Variants in AK8 observed in about 807,000 individuals in gnomAD.
AK8 encodes the protein adenylate kinase 8.
A neutral mutation model predicts 54.6 loss-of-function variants in AK8; 44 were observed. The ratio of observed to expected loss-of-function variants is 0.81; its 90% confidence interval spans 0.63 to 1.04. The LOEUF (loss-of-function observed/expected upper bound fraction) is 1.04, where lower values mean the gene tolerates loss of function less well. AK8 is among the 50% of genes least tolerant of loss of function. The probability of loss-of-function intolerance (pLI) is 0.00; values close to 1 mark genes in which losing one functional copy is unlikely to be tolerated. For missense variants in AK8, 555 were observed against 613.6 expected, an observed-to-expected ratio of 0.90 and a Z score of 1.01; for synonymous variants, 239 against 245.6, an observed-to-expected ratio of 0.97 and a Z score of 0.25.
Position 132,807,830 on chromosome 9 carries a change from T to C in AK8, c.979+6808A>G, listed in dbSNP as rs1840791962. 2.6e-5 allele frequency among the ~76,000 whole-genome samples: 4 copies of C among 152,262 alleles called. No homozygotes were observed. In the South Asian group the frequency reaches 8.3e-4, roughly 32 times the overall value. On this transcript the variant is annotated intron_variant, in intron 10 of 12. Transcript: ENST00000298545. Reference sequence around the variant, plus strand: ...AGGCAAAGACAGAATTATGGCCAATTTCCTTAGGAAGCTCTGGGCCTCCAG... The same window carrying C: ...AGGCAAAGACAGAATTATGGCCAATCTCCTTAGGAAGCTCTGGGCCTCCAG...
At position 132,844,394 on chromosome 9, in the gene AK8, A is replaced by G. The variant is rs1301122296; in HGVS notation, c.402+10463T>C. Among the ~76,000 whole-genome samples, 3 of 152,062 alleles carry G rather than the reference A, an allele frequency of 2.0e-5. No homozygotes were observed. The East Asian group carries it at 5.8e-4, about 29-fold the overall frequency. On this transcript the variant is annotated intron_variant, in intron 5 of 12. Transcript: ENST00000298545. The stretch of plus-strand genomic sequence containing the variant: ...TTATGATTGCGTTATTTTTCCCTGA[A>G]CACTATTCCCTGCATTCTTTCTGTG...
intron 11 of AK8, among the ~76,000 whole-genome samples, chr9:132,743,466 A>G (rs1240681206): frequency 6.6e-6 from 1 of 152,242 alleles, no homozygotes; most frequent in Non-Finnish European, 1.5e-5. Context: ...GAAAAGTTAC[A>G]TAAGCACATT....
chr9:132,850,220 ATTTT>A (rs34506307), intron 5 of AK8, among the ~76,000 whole-genome samples: 1 of 123,006 alleles, frequency 8.1e-6, no homozygotes. Flanking sequence ...TGCCCAGCTA[ATTTT>A]TTTTTTTTTT....
chr9:132,859,201 C>T (rs1007790096), intron 4 of AK8, among the ~76,000 whole-genome samples: 4 of 152,168 alleles, frequency 2.6e-5, no homozygotes, highest in African/African-American at 7.2e-5. Context: ...ATCCTCAGAA[C>T]TACTTGGAGG....
intron 11 of AK8, among the ~76,000 whole-genome samples, chr9:132,750,040 G>A (rs897620811): frequency 1.1e-4 from 16 of 147,412 alleles, no homozygotes; most frequent in South Asian, 2.2e-4. Flanking sequence ...TTGAGTTTCT[G>A]CCATGTGTAC....
At chr9:132,777,809 A>G (rs1224802065) in intron 11 of AK8, among the ~76,000 whole-genome samples, 3 of 152,218 alleles carry the variant, frequency 2.0e-5, no homozygotes, top group Non-Finnish European at 4.4e-5. Context: ...ATCGCTGCCA[A>G]ATGTTTAAAG....
At chr9:132,840,745 T>C (rs1317756518) in intron 5 of AK8, among the ~76,000 whole-genome samples, 1 of 151,762 alleles carries the variant, frequency 6.6e-6, no homozygotes, top group African/African-American at 2.4e-5. Flanking sequence ...ATACAAAAAT[T>C]AGTCAGTTGT....
In AK8 at chr9:132,799,146, G is replaced by A. The variant is rs1442289634; in HGVS notation, c.980-6371C>T. Reference sequence around the variant, plus strand: ...GCTTGCGGTTTTCCAGCAGGCACCAGAGGCCCCTCCTGCTGCGCCACGCCG... The same window carrying A: ...GCTTGCGGTTTTCCAGCAGGCACCAAAGGCCCCTCCTGCTGCGCCACGCCG... On this transcript the variant is annotated intron_variant, in intron 10 of 12. Coordinates refer to ENST00000298545, the MANE Select transcript of AK8 (RefSeq NM_152572.3). This position sits in a 1 kb window ranked among gnomAD's most constrained non-coding sequence, Gnocchi z 5.0. Among the ~76,000 whole-genome samples, 1 of 152,182 alleles carries A rather than the reference G, an allele frequency of 6.6e-6. No individual in the cohort carries two copies. Among genetic ancestry groups the A allele is most frequent in the African/African-American group, 2.4e-5 (1 of 41,434 alleles).
At chr9:132,804,570 G>C (rs1003916206) in intron 10 of AK8, among the ~76,000 whole-genome samples, 1 of 151,888 alleles carries the variant, frequency 6.6e-6, no homozygotes, top group African/African-American at 2.4e-5. Context: ...CAGGGAGGGG[G>C]GTGGGAGCAG....
chr9:132,790,972 T>G lies in AK8; in HGVS notation c.1121+1662A>C, dbSNP rs1588134192. Among the ~76,000 whole-genome samples, 1 of 151,968 alleles carries G rather than the reference T, an allele frequency of 6.6e-6. No homozygotes were observed. The highest frequency in any genetic ancestry group is 1.9e-4 in the East Asian group (1 of 5,182). ...AGAGATAATATACCTAGAAATAAAA[T>G]AAAAAATGCGAGACCCAAGGAAGTG... On this transcript the variant is annotated intron_variant, in intron 11 of 12. Transcript: ENST00000298545. The surrounding 1 kb of genome is among the most constrained non-coding windows in gnomAD (Gnocchi z 4.1).
chr9:132,793,669 C>A (rs777615461), intron 10 of AK8, among the ~76,000 whole-genome samples: 1 of 152,216 alleles, frequency 6.6e-6, no homozygotes, highest in African/African-American at 2.4e-5. Flanking sequence ...GTTTACATTG[C>A]GGCAATTGAC....
In AK8 at chr9:132,878,245, G is replaced by A. The variant is rs755113099; in HGVS notation, c.11C>T (p.Thr4Ile). Residue 4 changes from threonine (T) to isoleucine (I), a missense_variant, in exon 1 of 13, where the codon ACT becomes ATT. Physicochemically the swap from Thr to Ile is moderately conservative, Grantham distance 89 (BLOSUM62 -1). Transcript: ENST00000298545. This position sits in a 1 kb window ranked among gnomAD's most constrained non-coding sequence, Gnocchi z 4.7. ...GGGGGGGATACGGTGCGGGGCGATA[G>A]TGGCGTCCATGTAGCCGTCTCGGCT... MDATIAPHRIPPEM... is the reference protein window; with the variant it reads MDAIIAPHRIPPEM... The A allele has an allele frequency of 1.2e-5, 17 of 1,398,418 alleles. No individual in the cohort carries two copies. The highest frequency in any genetic ancestry group is 1.5e-5 in the Non-Finnish European group (16 of 1,068,748). 86.6% of individuals were successfully genotyped at this position (1,398,418 alleles called of 1,614,324 possible). A position where few individuals can be genotyped will look rare whatever the true frequency, so the allele number is the denominator to read the frequency against.
chr9:132,871,885 C>T (rs1055450095), intron 2 of AK8, among the ~76,000 whole-genome samples: 2 of 152,220 alleles, frequency 1.3e-5, no homozygotes, highest in Non-Finnish European at 1.5e-5. Flanking sequence ...CTTTAAAATT[C>T]TGATGAAGTG....
At chr9:132,848,515 T>C (rs1265566199) in intron 5 of AK8, among the ~76,000 whole-genome samples, 1 of 151,592 alleles carries the variant, frequency 6.6e-6, no homozygotes, top group Non-Finnish European at 1.5e-5. Flanking sequence ...CTGGCTGCCA[T>C]TCCCTCCAGC....
chr9:132,875,744 C>A (rs1055557893), intron 1 of AK8, among the ~76,000 whole-genome samples: 9 of 152,232 alleles, frequency 5.9e-5, no homozygotes, highest in Admixed American at 5.2e-4. Flanking sequence ...CCACCATCCC[C>A]CCGGCAGGCC....
chr9:132,747,482 C>T (rs577863610), intron 11 of AK8, among the ~76,000 whole-genome samples: 1 of 136,910 alleles, frequency 7.3e-6, no homozygotes, highest in Non-Finnish European at 1.6e-5. Context: ...GAGTCTGGTT[C>T]TGTCACACAG....
chr9:132,766,732 A>G (rs1033593379), intron 11 of AK8, among the ~76,000 whole-genome samples: 2 of 152,198 alleles, frequency 1.3e-5, no homozygotes, highest in African/African-American at 4.8e-5. Flanking sequence ...CATCAAATAT[A>G]CTACAAAGCT....
chr9:132,754,280 T>A (rs1332355874), intron 11 of AK8, among the ~76,000 whole-genome samples: 2 of 152,164 alleles, frequency 1.3e-5, no homozygotes, highest in Non-Finnish European at 2.9e-5. Flanking sequence ...GGGATAGAAA[T>A]GGCTATTTGC....
In AK8 at chr9:132,867,137, G is replaced by A. The variant is rs555348763; in HGVS notation, c.170-184C>T. On this transcript the variant is annotated intron_variant, in intron 2 of 12. Coordinates refer to ENST00000298545, the MANE Select transcript of AK8 (RefSeq NM_152572.3). Reference sequence around the variant, plus strand: ...GGAACGCATTCTCTGTGTTCAGAGAGGTAAGTGATCACCGAGATGGTTTAT... The same window carrying A: ...GGAACGCATTCTCTGTGTTCAGAGAAGTAAGTGATCACCGAGATGGTTTAT... 4.1e-4 allele frequency among the ~76,000 whole-genome samples: 63 copies of A among 152,076 alleles called. 1 individual carries two copies. The highest frequency in any genetic ancestry group is 1.5e-3 in the African/African-American group (63 of 41,492).
Sources: allele counts gnomAD v4.1 joint callset (sites outside exome capture counted in the v4.1 genomes callset), GRCh38; gene constraint gnomAD v4.1.1; non-coding constraint Gnocchi (gnomAD v3.1); transcripts MANE v1.5; gene names NCBI Gene and HGNC (gene_info 2026-07-23, HGNC 2026-07-21).